Variants in OR14A2 observed in about 807,000 individuals in gnomAD.
The protein encoded by OR14A2 is olfactory receptor 14A2.
For missense variants in OR14A2, 237 were observed against 152.9 expected (o/e 1.55, Z -2.90); for synonymous variants, 114 against 58.6 (o/e 1.95, Z -4.32).
At position 247,723,894 on chromosome 1, in the gene OR14A2, G is replaced by A. The variant is rs757399679; in HGVS notation, c.150C>T (p.Asp50=). 12 of 717,162 alleles carry A rather than the reference G, an allele frequency of 1.7e-5. 1 individual carries two copies. Among genetic ancestry groups the A allele is most frequent in the Admixed American group, 4.0e-5 (2 of 49,838 alleles). The allele number at this position is 717,162 out of a possible 1,614,324, so 44.4% of individuals were successfully genotyped here. A position where few individuals can be genotyped will look rare whatever the true frequency, so the allele number is the denominator to read the frequency against. The stretch of plus-strand genomic sequence containing the variant: ...AGTACATGGGTGTTTGGAGCTTTAC[G>A]TCCAGGGTAATGAGAGTAATGATGA... Residue 50 remains aspartate (D), a synonymous_variant, in exon 1 of 1, where the codon GAC becomes GAT. Coordinates refer to ENST00000366485, the Ensembl canonical transcript of OR14A2.
upstream of OR14A2, among the ~76,000 whole-genome samples, chr1:247,725,531 T>A (rs1025454010): frequency 6.6e-6 from 1 of 150,690 alleles, no homozygotes; most frequent in Non-Finnish European, 1.5e-5. Flanking sequence ...TTTATTTATT[T>A]TTTTTATTTT....
At chr1:247,745,087 A>G in the OR14A2 span, among the ~76,000 whole-genome samples, 1 of 152,150 alleles carries the variant, frequency 6.6e-6, no homozygotes, top group Non-Finnish European at 1.5e-5. Context: ...CCTGAAAATT[A>G]AAGGGGCTAT....
At chr1:247,733,073 C>T in the OR14A2 span, among the ~76,000 whole-genome samples, 3 of 152,188 alleles carry the variant, frequency 2.0e-5, no homozygotes, top group South Asian at 4.2e-4. Context: ...CCTGAGACTG[C>T]GGCCCTCAGG....
chr1:247,745,527 A>G, the OR14A2 span, among the ~76,000 whole-genome samples: 3 of 152,164 alleles, frequency 2.0e-5, no homozygotes, highest in East Asian at 5.8e-4. Flanking sequence ...AGATTTAACT[A>G]GATTGAATAA....
At chr1:247,723,587 A>G (rs761906521) in exon 1 of OR14A2, 2 of 718,378 alleles carry the variant, frequency 2.8e-6, no homozygotes, top group South Asian at 3.0e-5. Context: ...GCAGTACCAA[A>G]GAGCCCTCCA....
chr1:247,729,475 G>A, the OR14A2 span, among the ~76,000 whole-genome samples: 1 of 151,974 alleles, frequency 6.6e-6, no homozygotes, highest in East Asian at 1.9e-4. Context: ...CATACAACAA[G>A]CCAACATAAC....
chr1:247,733,997 A>G, the OR14A2 span, among the ~76,000 whole-genome samples: 1 of 152,338 alleles, frequency 6.6e-6, no homozygotes, highest in Admixed American at 6.5e-5. Context: ...TTAAAAAACA[A>G]ATGGAAATGG....
At chr1:247,724,004 C>T (rs1228761346) in exon 1 of OR14A2, 1 of 714,580 alleles carries the variant, frequency 1.4e-6, no homozygotes. Context: ...TTAGAAAACC[C>T]CATAAGAAGA....
At chr1:247,733,150 T>C in the OR14A2 span, among the ~76,000 whole-genome samples, 4 of 152,314 alleles carry the variant, frequency 2.6e-5, no homozygotes, top group South Asian at 8.3e-4. Context: ...CCTTCCAGTT[T>C]ATTATTTCTG....
the OR14A2 span, among the ~76,000 whole-genome samples, chr1:247,747,359 CT>C: frequency 0.075 from 10,289 of 136,318 alleles, 464 homozygotes; most frequent in East Asian, 0.22. Context: ...AATGCGAAGA[CT>C]TTTTTTTTTT....
chr1:247,738,747 C>T, the OR14A2 span: 1 of 780,808 alleles, frequency 1.3e-6, no homozygotes, highest in South Asian at 1.3e-5. Context: ...AGTCATCATT[C>T]TCCTCATGAT....
chr1:247,741,800 A>C, the OR14A2 span, among the ~76,000 whole-genome samples: 1 of 152,190 alleles, frequency 6.6e-6, no homozygotes, highest in African/African-American at 2.4e-5. Flanking sequence ...AGGTTGTGCT[A>C]TGCAACTCTT....
At chr1:247,747,598 A>G in the OR14A2 span, among the ~76,000 whole-genome samples, 1 of 151,790 alleles carries the variant, frequency 6.6e-6, no homozygotes, top group East Asian at 1.9e-4. Flanking sequence ...TCCTGACCTC[A>G]TGATCCGCCC....
the OR14A2 span, among the ~76,000 whole-genome samples, chr1:247,735,124 A>G: frequency 6.6e-6 from 1 of 152,186 alleles, no homozygotes; most frequent in East Asian, 1.9e-4. Flanking sequence ...TGCTCTTGGG[A>G]ACTTTCTATA....
chr1:247,728,308 G>A (rs1472871960), upstream of OR14A2, among the ~76,000 whole-genome samples: 5 of 152,044 alleles, frequency 3.3e-5, no homozygotes, highest in African/African-American at 1.2e-4. Flanking sequence ...TATAAACAGA[G>A]CCAAAGACAA....
At chr1:247,729,898 T>C in the OR14A2 span, among the ~76,000 whole-genome samples, 2 of 152,104 alleles carry the variant, frequency 1.3e-5, no homozygotes, top group African/African-American at 4.8e-5. Context: ...ACTTATAGCA[T>C]ACGAAGTATA....
the OR14A2 span, among the ~76,000 whole-genome samples, chr1:247,736,084 A>T: frequency 1.3e-5 from 2 of 151,258 alleles, no homozygotes; most frequent in African/African-American, 4.9e-5. Context: ...CTTTGTTATG[A>T]ATGTTGCTTC....
chr1:247,741,944 C>T, the OR14A2 span, among the ~76,000 whole-genome samples: 4 of 152,170 alleles, frequency 2.6e-5, no homozygotes, highest in Non-Finnish European at 4.4e-5. Flanking sequence ...GATACCCTCC[C>T]CGCCTTGTTT....
chr1:247,747,718 C>G, the OR14A2 span, among the ~76,000 whole-genome samples: 2 of 152,188 alleles, frequency 1.3e-5, no homozygotes, highest in African/African-American at 4.8e-5. Context: ...TCAGTATTTA[C>G]GTAAGTGCAG....
Sources: allele counts gnomAD v4.1 joint callset (sites outside exome capture counted in the v4.1 genomes callset), GRCh38; gene constraint gnomAD v4.1.1; transcripts MANE v1.5; gene names NCBI Gene and HGNC (gene_info 2026-07-23, HGNC 2026-07-21).